The following PRDM2 variants were observed in gnomAD, a reference collection of about 807,000 sequenced individuals.
The protein encoded by PRDM2 is PR domain zinc finger protein 2.
A neutral mutation model predicts 130.0 loss-of-function variants in PRDM2; 30 were observed. The ratio of observed to expected loss-of-function variants is 0.23; its 90% CI spans 0.17 to 0.31. PRDM2 has a LOEUF of 0.31. Among genes scored for constraint, PRDM2 ranks in the 10% least tolerant of loss-of-function variants. The pLI is 1.00. For missense variants in PRDM2, 2,011 were observed against 2,108.4 expected (o/e 0.95, Z 0.90); for synonymous variants, 871 against 782.4 (o/e 1.11, Z -1.89).
In PRDM2 at chr1:13,823,337, C is replaced by G. The variant is rs1346215382; in HGVS notation, c.*202C>G. 1 of 897,424 alleles carries G rather than the reference C, an allele frequency of 1.1e-6. No individual in the cohort carries two copies. Among genetic ancestry groups the G allele is most frequent in the Non-Finnish European group, 1.8e-6 (1 of 566,508 alleles). The allele number at this position is 897,424 out of a possible 1,614,324, so 55.6% of individuals were successfully genotyped here. Reference sequence around the variant, plus strand: ...TGCGGGCGCGTGAGTGGTCTTCAAACGAGGGTCCCGATCCCCGGGGCGGCA... The same window carrying G: ...TGCGGGCGCGTGAGTGGTCTTCAAAGGAGGGTCCCGATCCCCGGGGCGGCA... On this transcript the variant is annotated 3_prime_UTR_variant, in exon 10 of 10. Transcript: ENST00000311066.
At chr1:13,766,199 A>T (rs1353392217) in intron 6 of PRDM2, among the ~76,000 whole-genome samples, 1 of 152,150 alleles carries the variant, frequency 6.6e-6, no homozygotes, top group African/African-American at 2.4e-5. Flanking sequence ...GCTTAGTCAT[A>T]TGCTTTTGTC....
chr1:13,752,781 C>T (rs925082092), intron 6 of PRDM2, among the ~76,000 whole-genome samples: 5 of 152,124 alleles, frequency 3.3e-5, no homozygotes, highest in African/African-American at 9.7e-5. Flanking sequence ...GATGCCTGGG[C>T]GTTTACCAGG....
chr1:13,816,343 A>G, intron 8 of PRDM2, 84 bp from the exon 9 acceptor site: 1 of 1,531,544 alleles, frequency 6.5e-7, no homozygotes, highest in Non-Finnish European at 8.9e-7. Context: ...AGTGGTGACC[A>G]GCACTAAGGA....
At chr1:13,717,993 A>C (rs1201231916) in intron 2 of PRDM2, among the ~76,000 whole-genome samples, 2 of 152,236 alleles carry the variant, frequency 1.3e-5, no homozygotes, top group Non-Finnish European at 2.9e-5. Flanking sequence ...CATAAAATCT[A>C]TCAGTGTTTT....
At position 13,803,358 on chromosome 1, in the gene PRDM2, G is replaced by A. The variant is rs1011703104; in HGVS notation, c.5037-13069G>A. On this transcript the variant is annotated intron_variant, in intron 8 of 9. Transcript: ENST00000311066. The surrounding 1 kb of genome is among the most constrained non-coding windows in gnomAD (Gnocchi z 6.2). The stretch of plus-strand genomic sequence containing the variant: ...CTTTGCTAGGCCCCGTGGCAGGTTC[G>A]ATGGGTGAGAAGTGAATAGACTCCA... Among the ~76,000 whole-genome samples, 3 of 152,062 alleles carry A rather than the reference G, an allele frequency of 2.0e-5. No individual in the cohort carries two copies. The highest frequency in any genetic ancestry group is 2.1e-4 in the South Asian group (1 of 4,818).
intron 8 of PRDM2, among the ~76,000 whole-genome samples, chr1:13,810,003 C>A (rs543295540): frequency 1.3e-5 from 2 of 152,226 alleles, no homozygotes; most frequent in South Asian, 4.2e-4. Flanking sequence ...CATCTTCTTA[C>A]AAGGCACAAG....
chr1:13,772,757 T>G (rs1026117063), intron 6 of PRDM2, among the ~76,000 whole-genome samples: 2 of 152,226 alleles, frequency 1.3e-5, no homozygotes, highest in African/African-American at 4.8e-5. Flanking sequence ...AATTTTCCTT[T>G]GACATCAATA....
intron 3 of PRDM2, 22 bp from the exon 4 acceptor site, chr1:13,732,757 A>G (rs777434748): frequency 6.7e-7 from 1 of 1,496,650 alleles, no homozygotes; most frequent in South Asian, 1.2e-5. Flanking sequence ...TACATTATAA[A>G]AATACTGATT....
intron 8 of PRDM2, chr1:13,787,414 C>A: frequency 1.0e-6 from 1 of 984,650 alleles, no homozygotes; most frequent in Non-Finnish European, 1.2e-6. Context: ...TTTTATGCCT[C>A]CCCCTAAATT....
Position 13,823,599 on chromosome 1 carries a change from A to G in PRDM2, c.*464A>G. The G allele has an allele frequency of 5.9e-6, 1 of 170,568 alleles. No individual in the cohort carries two copies. Among genetic ancestry groups the G allele is most frequent in the Non-Finnish European group, 1.3e-5 (1 of 79,768 alleles). The allele number at this position is 170,568 out of a possible 1,614,324, so 10.6% of individuals were successfully genotyped here. A position where few individuals can be genotyped will look rare whatever the true frequency, so the allele number is the denominator to read the frequency against. ...TCAGGAGGAGGCCGAGTTCCCCTTC[A>G]GTACCACCCCTCTCTCCCCACCTTC... On this transcript the variant is annotated 3_prime_UTR_variant, in exon 10 of 10. Transcript: ENST00000311066.
intron 7 of PRDM2, 67 bp downstream of exon 7, chr1:13,773,255 C>A (rs1050038172): frequency 1.1e-6 from 1 of 933,164 alleles, no homozygotes; most frequent in East Asian, 3.0e-5. Context: ...AACTTTGTAT[C>A]TCTTTATATT....
chr1:13,753,712 G>A (rs1026904977), intron 6 of PRDM2, among the ~76,000 whole-genome samples: 1 of 152,162 alleles, frequency 6.6e-6, no homozygotes, highest in Non-Finnish European at 1.5e-5. Flanking sequence ...GGGATGCTGA[G>A]CTGGGCTGGG....
At chr1:13,764,612 T>C (rs1644181114) in intron 6 of PRDM2, among the ~76,000 whole-genome samples, 1 of 152,256 alleles carries the variant, frequency 6.6e-6, no homozygotes, top group South Asian at 2.1e-4. Flanking sequence ...TTCCGATGGA[T>C]CTTTGCTATT....
chr1:13,724,791 C>CA (rs1190097060), intron 2 of PRDM2, among the ~76,000 whole-genome samples: 7 of 151,962 alleles, frequency 4.6e-5, no homozygotes, highest in African/African-American at 1.4e-4. Context: ...ATGTATAAAA[C>CA]AAAGTATGGA....
At chr1:13,743,469 T>C (rs1281191171) in intron 5 of PRDM2, among the ~76,000 whole-genome samples, 1 of 151,580 alleles carries the variant, frequency 6.6e-6, no homozygotes, top group Admixed American at 6.6e-5. Context: ...TAAGGCAGAA[T>C]TTCCAGCCTG....
chr1:13,821,828 T>G (rs564432267), intron 9 of PRDM2, among the ~76,000 whole-genome samples: 2 of 152,242 alleles, frequency 1.3e-5, no homozygotes, highest in East Asian at 1.9e-4. Context: ...ACTGTGAATG[T>G]GGTTTCTGCG....
At chr1:13,772,926 A>G (rs946596530) in intron 6 of PRDM2, 152 bp from the exon 7 acceptor site, 30 of 495,744 alleles carry the variant, frequency 6.1e-5, no homozygotes, top group Non-Finnish European at 2.1e-5. Context: ...TCCTTTCTTT[A>G]GGAATCCAAA....
chr1:13,774,963 G>A (rs1203674), intron 7 of PRDM2, among the ~76,000 whole-genome samples: 6 of 140,388 alleles, frequency 4.3e-5, no homozygotes, highest in Non-Finnish European at 6.2e-5. Context: ...GCGAGACTCC[G>A]TCTCAAAAAA....
intron 6 of PRDM2, among the ~76,000 whole-genome samples, chr1:13,762,262 A>T (rs375287465): frequency 1.1e-3 from 165 of 152,384 alleles, no homozygotes; most frequent in African/African-American, 3.9e-3. Context: ...TAATCAAATC[A>T]TGGCCCAAGG....
Sources: gnomAD v4.1 joint callset for allele counts (sites outside exome capture counted in the v4.1 genomes callset) on GRCh38, gnomAD v4.1.1 for gene constraint, Gnocchi (gnomAD v3.1) non-coding constraint, MANE v1.5 for transcripts, NCBI Gene and HGNC (gene_info 2026-07-23, HGNC 2026-07-21) for gene names.